Variants in STAT5A observed in about 807,000 individuals in gnomAD.
STAT5A encodes signal transducer and activator of transcription 5A, also known as epididymis secretory sperm binding protein.
A neutral mutation model predicts 100.2 loss-of-function variants in STAT5A; 26 were observed. The ratio of observed to expected loss-of-function variants is 0.26; its 90% confidence interval spans 0.19 to 0.36. The LOEUF (loss-of-function observed/expected upper bound fraction) is 0.36. Ranked by LOEUF, STAT5A falls within the 10% of genes least tolerant of loss-of-function variation. STAT5A has a pLI of 1.00. For synonymous variants in STAT5A, 330 were observed against 424.3 expected, an observed-to-expected ratio of 0.78 and a Z score of 2.73; for missense variants, 634 against 1,027.5, an observed-to-expected ratio of 0.62 and a Z score of 5.24.
Position 42,301,270 on chromosome 17 carries a change from T to C in STAT5A, c.990-5T>C, listed in dbSNP as rs1264639114. 2 of 1,613,548 alleles carry C rather than the reference T, an allele frequency of 1.2e-6. No homozygotes were observed. The highest frequency in any genetic ancestry group is 1.3e-5 in the African/African-American group (1 of 74,850). ...ATCGTGTGTCTGTCCCTGTGTCCCA[T>C]GCAGCACATTCATCATTGAGAAGCA... On this transcript the variant is annotated splice_polypyrimidine_tract_variant and splice_region_variant and intron_variant, in intron 8 of 18. Transcript: ENST00000590949.
At chr17:42,293,277 T>C (rs1023860176) in intron 4 of STAT5A, among the ~76,000 whole-genome samples, 1 of 152,184 alleles carries the variant, frequency 6.6e-6, no homozygotes, top group Non-Finnish European at 1.5e-5. Flanking sequence ...TGATCTCGGC[T>C]CACTGCAACC....
chr17:42,297,895 G>A (rs374530088), intron 5 of STAT5A, among the ~76,000 whole-genome samples: 2,868 of 147,404 alleles, frequency 0.019, 60 homozygotes, highest in East Asian at 0.059. Context: ...TCAGAGTGAC[G>A]TGGCCCTCAG....
Position 42,310,004 on chromosome 17 carries a change from AGCCAGGTG to A in STAT5A, c.2223-499_2223-492del, listed in dbSNP as rs112781931. ...TCCAATCCGGACTCCACCACCTCCC[AGCCAGGTG>A]GCCCAGAGCAAGCTTCCTGATATGG... On this transcript the variant is annotated intron_variant, in intron 18 of 18. Coordinates refer to ENST00000590949, the MANE Select transcript of STAT5A (RefSeq NM_001288718.2). 2.6e-5 allele frequency among the ~76,000 whole-genome samples: 4 copies of A among 152,336 alleles called. 1 individual carries two copies. The highest frequency in any genetic ancestry group is 9.6e-5 in the African/African-American group (4 of 41,588).
Position 42,299,730 on chromosome 17 carries a change from G to A in STAT5A, c.551-21G>A, listed in dbSNP as rs745937485. Reference sequence around the variant, plus strand: ...TGGACACTAGGAGGTGATGGTCATGGTTTCCTCTTCTCTCCTCTAGCTCAG... The same window carrying A: ...TGGACACTAGGAGGTGATGGTCATGATTTCCTCTTCTCTCCTCTAGCTCAG... On this transcript the variant is annotated intron_variant, in intron 5 of 18. Transcript: ENST00000590949. The A allele has an allele frequency of 2.5e-6, 4 of 1,614,162 alleles. No individual in the cohort carries two copies. The Admixed American group carries it at 5.0e-5, about 20-fold the overall frequency.
intron 5 of STAT5A, 83 bp downstream of exon 5, chr17:42,295,876 A>G (rs1334118936): frequency 9.6e-6 from 15 of 1,554,708 alleles, no homozygotes; most frequent in Non-Finnish European, 1.2e-5. Flanking sequence ...GAGCTGGGTC[A>G]GTGTCCATCT....
intron 3 of STAT5A, 117 bp downstream of exon 3, chr17:42,290,139 G>T: frequency 7.4e-7 from 1 of 1,345,554 alleles, no homozygotes; most frequent in South Asian, 1.8e-5. Flanking sequence ...CGAACTTATT[G>T]GGAACTTTTC....
intron 15 of STAT5A, among the ~76,000 whole-genome samples, 181 bp downstream of exon 15, chr17:42,307,904 A>G (rs1035932173): frequency 6.6e-5 from 10 of 152,144 alleles, no homozygotes; most frequent in Non-Finnish European, 1.5e-4. Context: ...GGAGAACCTG[A>G]AGTCCCCAGC....
intron 4 of STAT5A, 44 bp downstream of exon 4, chr17:42,292,105 C>G (rs759377440): frequency 6.2e-7 from 1 of 1,601,690 alleles, no homozygotes; most frequent in Admixed American, 1.7e-5. Context: ...AGAAGTCCCT[C>G]CATATGCCTT....
rs565058906 is a variant in STAT5A at position 42,296,401 on chromosome 17, G to A, written c.550+608G>A. On this transcript the variant is annotated intron_variant, in intron 5 of 18. Transcript: ENST00000590949. ...AATGGCTCCCATGATAAAGATGTGGGGAAATTAAAAAATCAAATTAGCTTG... is the reference window on the plus strand; with the variant it reads ...AATGGCTCCCATGATAAAGATGTGGAGAAATTAAAAAATCAAATTAGCTTG... Among the ~76,000 whole-genome samples the A allele has an allele frequency of 6.6e-5, 10 of 152,106 alleles. No homozygotes were observed. The East Asian group carries it at 1.7e-3, about 26-fold the overall frequency.
intron 9 of STAT5A, among the ~76,000 whole-genome samples, chr17:42,301,938 G>A (rs939398671): frequency 1.3e-5 from 2 of 152,186 alleles, no homozygotes; most frequent in African/African-American, 4.8e-5. Flanking sequence ...GGAGGCCACG[G>A]TCGGAGGATC....
In STAT5A at chr17:42,304,064, T is replaced by C. The variant is rs2081005448; in HGVS notation, c.1170-278T>C. 6.5e-6 allele frequency: 3 copies of C among 465,070 alleles called. No individual in the cohort carries two copies. In the South Asian group the frequency reaches 9.5e-5, roughly 15 times the overall value. 28.8% of individuals were successfully genotyped at this position (465,070 alleles called of 1,614,324 possible). On this transcript the variant is annotated intron_variant, in intron 9 of 18. Coordinates refer to ENST00000590949, the MANE Select transcript of STAT5A (RefSeq NM_001288718.2). The surrounding 1 kb of genome is among the most constrained non-coding windows in gnomAD (Gnocchi z 4.8). ...TTTTTATCTTAAGTGCATTAGAAGC[T>C]ATTGGAAGTCCCCAAAGCCCTCACA...
chr17:42,306,020 T>C, intron 12 of STAT5A: 1 of 747,334 alleles, frequency 1.3e-6, no homozygotes, highest in Non-Finnish European at 2.2e-6. Context: ...TCTCTGTCCC[T>C]GCATGCCCCC....
rs992058564 is a variant in STAT5A at position 42,304,460 on chromosome 17, G to C, written c.1257+31G>C. On this transcript the variant is annotated intron_variant, in intron 10 of 18. Transcript: ENST00000590949. The surrounding 1 kb of genome is among the most constrained non-coding windows in gnomAD (Gnocchi z 4.8). Reference sequence around the variant, plus strand: ...GACGGGGCCCACCCTCGGAGGGCAGGTCTGCCCAGAGCTGAGTCCTTGTAA... The same window carrying C: ...GACGGGGCCCACCCTCGGAGGGCAGCTCTGCCCAGAGCTGAGTCCTTGTAA... 6.2e-7 allele frequency: 1 copy of C among 1,614,222 alleles called. No individual in the cohort carries two copies.
intron 18 of STAT5A, among the ~76,000 whole-genome samples, chr17:42,310,234 C>T (rs2081067224): frequency 1.3e-5 from 2 of 152,272 alleles, no homozygotes; most frequent in Non-Finnish European, 2.9e-5. Flanking sequence ...CCCACTGTGT[C>T]AGCCACCTGG....
At chr17:42,292,736 C>G (rs1368146833) in intron 4 of STAT5A, among the ~76,000 whole-genome samples, 1 of 151,912 alleles carries the variant, frequency 6.6e-6, no homozygotes, top group Non-Finnish European at 1.5e-5. Context: ...AAGCAATTCT[C>G]TTGCCTCAGC....
chr17:42,289,582 A>T (rs1240481381), intron 2 of STAT5A, 43 bp downstream of exon 2: 1 of 1,596,114 alleles, frequency 6.3e-7, no homozygotes, highest in Admixed American at 1.7e-5. Flanking sequence ...GGTCCCTACC[A>T]TCCAGGCCCT....
At position 42,308,579 on chromosome 17, in the gene STAT5A, C is replaced by G; in HGVS notation, c.2062+246C>G. Reference sequence around the variant, plus strand: ...GCTGCATGGATTCTCACTTCTGCACCCTCGGAGGAAGGGGTGGCAGCACTG... The same window carrying G: ...GCTGCATGGATTCTCACTTCTGCACGCTCGGAGGAAGGGGTGGCAGCACTG... On this transcript the variant is annotated intron_variant, in intron 16 of 18. Coordinates refer to ENST00000590949, the MANE Select transcript of STAT5A (RefSeq NM_001288718.2). The surrounding 1 kb of genome is among the most constrained non-coding windows in gnomAD (Gnocchi z 4.6). 1 of 575,342 alleles carries G rather than the reference C, an allele frequency of 1.7e-6. No homozygotes were observed. The highest frequency in any genetic ancestry group is 3.1e-5 in the East Asian group (1 of 32,344). The allele number at this position is 575,342 out of a possible 1,614,324, so 35.6% of individuals were successfully genotyped here.
At chr17:42,297,248 G>A (rs1385340297) in intron 5 of STAT5A, among the ~76,000 whole-genome samples, 1 of 152,158 alleles carries the variant, frequency 6.6e-6, no homozygotes, top group Non-Finnish European at 1.5e-5. Flanking sequence ...ATACTGACAG[G>A]ATAATTCTAA....
intron 3 of STAT5A, among the ~76,000 whole-genome samples, chr17:42,291,318 C>T (rs952940580): frequency 3.9e-5 from 6 of 152,206 alleles, no homozygotes; most frequent in Non-Finnish European, 8.8e-5. Flanking sequence ...CGCCGCTCAC[C>T]TCCTGCTGTG....
Sources: gnomAD v4.1 joint callset for allele counts (sites outside exome capture counted in the v4.1 genomes callset) on GRCh38, gnomAD v4.1.1 for gene constraint, Gnocchi (gnomAD v3.1) non-coding constraint, MANE v1.5 for transcripts, NCBI Gene and HGNC (gene_info 2026-07-23, HGNC 2026-07-21) for gene names.